The following FAR2 variants were observed in gnomAD, a reference collection of about 807,000 sequenced individuals.
The protein encoded by FAR2 is epididymis secretory protein Li 81.
A neutral mutation model predicts 56.0 loss-of-function variants in FAR2; 19 were observed. The observed-to-expected ratio is 0.34, with a 90% CI of 0.24 to 0.50. The LOEUF (loss-of-function observed/expected upper bound fraction) is 0.50. Among genes scored for constraint, FAR2 ranks in the 20% least tolerant of loss-of-function variants. FAR2 has a pLI of 0.98. For missense variants in FAR2, 508 were observed against 642.2 expected (o/e 0.79, Z 2.26); for synonymous variants, 219 against 218.8 (o/e 1.00, Z -0.01).
chr12:29,248,015 C>T (rs1948154886), intron 1 of FAR2, among the ~76,000 whole-genome samples: 2 of 152,208 alleles, frequency 1.3e-5, no homozygotes, highest in Admixed American at 6.5e-5. Flanking sequence ...TCTCTACATT[C>T]CACCTCTTCT....
chr12:29,322,191 G>A (rs764397868), intron 10 of FAR2, among the ~76,000 whole-genome samples: 3 of 152,218 alleles, frequency 2.0e-5, no homozygotes, highest in Non-Finnish European at 2.9e-5. Flanking sequence ...CACTTCAATC[G>A]TTTTGTCACT....
chr12:29,332,653 T>C lies in FAR2; in HGVS notation c.1311T>C (p.Tyr437=), dbSNP rs1949747510. The C allele has an allele frequency of 6.2e-7, 1 of 1,613,862 alleles. No homozygotes were observed. Among genetic ancestry groups the C allele is most frequent in the East Asian group, 2.2e-5 (1 of 44,872 alleles). The change falls in exon 11 of 12, where the codon TAT becomes TAC. Residue 437 remains tyrosine (Y), a synonymous_variant. Transcript: ENST00000536681. ...ACTGGTTGGAATACATTGAAAATTA[T>C]GTTTTGGGAGTTAAAAAATACTTAT... is the stretch of plus-strand genomic sequence containing the variant. ...QLNWLEYIEN[Y]VLGVKKYLLK...
At chr12:29,331,920 T>A (rs1042374893) in intron 10 of FAR2, 1 of 152,172 alleles carries the variant, frequency 6.6e-6, no homozygotes, top group African/African-American at 2.4e-5. Context: ...TCCTCAAAGA[T>A]ACCTTAAAAA....
chr12:29,227,155 C>T (rs962137247), intron 1 of FAR2, among the ~76,000 whole-genome samples: 6 of 152,262 alleles, frequency 3.9e-5, no homozygotes, highest in African/African-American at 9.6e-5. Context: ...GGGCACCTTA[C>T]GTGCCTATAA....
intron 4 of FAR2, among the ~76,000 whole-genome samples, chr12:29,300,008 T>C (rs1949136544): frequency 1.3e-5 from 2 of 152,244 alleles, no homozygotes. Flanking sequence ...GACAATGAGC[T>C]TCTCAACAGA....
chr12:29,185,309 C>G, intron 1 of FAR2, among the ~76,000 whole-genome samples: 1 of 152,160 alleles, frequency 6.6e-6, no homozygotes. Context: ...CTATCCTGTC[C>G]TCTGGATCCC....
chr12:29,327,709 A>G (rs2136824412), intron 10 of FAR2, among the ~76,000 whole-genome samples: 1 of 152,346 alleles, frequency 6.6e-6, no homozygotes, highest in South Asian at 2.1e-4. Flanking sequence ...ATATGGAGAA[A>G]GCTGAAACTG....
intron 1 of FAR2, among the ~76,000 whole-genome samples, chr12:29,159,060 T>C (rs1272025610): frequency 2.0e-5 from 3 of 152,246 alleles, no homozygotes; most frequent in Admixed American, 6.5e-5. Flanking sequence ...CAAATTTTAG[T>C]ACTCCCTACT....
chr12:29,166,434 G>T (rs758135848), intron 1 of FAR2, among the ~76,000 whole-genome samples: 1 of 152,144 alleles, frequency 6.6e-6, no homozygotes, highest in Non-Finnish European at 1.5e-5. Context: ...TGTTGATAAT[G>T]CAGATCTCTG....
chr12:29,277,653 G>A (rs1343709285), intron 2 of FAR2: 1 of 152,162 alleles, frequency 6.6e-6, no homozygotes, highest in African/African-American at 2.4e-5. Flanking sequence ...ATTATCTGCC[G>A]GAAAAGGACT....
chr12:29,209,490 G>A (rs1947517920), intron 1 of FAR2, among the ~76,000 whole-genome samples: 1 of 152,204 alleles, frequency 6.6e-6, no homozygotes, highest in African/African-American at 2.4e-5. Flanking sequence ...GGTTGGGTCA[G>A]TAGTAGGAGT....
chr12:29,185,105 C>G (rs1303745055), intron 1 of FAR2, among the ~76,000 whole-genome samples: 1 of 152,044 alleles, frequency 6.6e-6, no homozygotes, highest in Admixed American at 6.6e-5. Flanking sequence ...TAATTTATTA[C>G]CTCAGTAAGA....
intron 1 of FAR2, among the ~76,000 whole-genome samples, chr12:29,180,541 G>C (rs781604026): frequency 5.3e-5 from 8 of 152,058 alleles, no homozygotes; most frequent in Non-Finnish European, 1.0e-4. Context: ...TCTTAAACTA[G>C]TTAGAAAGAT....
intron 10 of FAR2, among the ~76,000 whole-genome samples, chr12:29,325,092 T>A (rs1319991286): frequency 1.3e-5 from 2 of 151,886 alleles, no homozygotes; most frequent in Non-Finnish European, 2.9e-5. Context: ...AAGGCAGGGG[T>A]TGCAATCCTA....
intron 1 of FAR2, among the ~76,000 whole-genome samples, chr12:29,150,724 T>A (rs1186722576): frequency 6.6e-6 from 1 of 152,230 alleles, no homozygotes; most frequent in African/African-American, 2.4e-5. Flanking sequence ...CGTGTGTCAA[T>A]ATTTCATCGG....
intron 1 of FAR2, among the ~76,000 whole-genome samples, chr12:29,205,426 C>G (rs959744050): frequency 6.6e-6 from 1 of 152,102 alleles, no homozygotes; most frequent in African/African-American, 2.4e-5. Context: ...ATCTGAAGCA[C>G]AAAATTTCCA....
chr12:29,281,416 C>T (rs1428943968), intron 2 of FAR2: 1 of 152,124 alleles, frequency 6.6e-6, no homozygotes, highest in Non-Finnish European at 1.5e-5. Context: ...ACCTTCTTTT[C>T]CATTATTATT....
At chr12:29,227,255 C>T (rs7303562) in intron 1 of FAR2, among the ~76,000 whole-genome samples, 96,948 of 152,006 alleles carry the variant, frequency 0.64, 31,068 homozygotes, top group Middle Eastern at 0.7. Flanking sequence ...GGCATTTTGA[C>T]TAGCAATTTT....
At chr12:29,280,052 G>A (rs1948762997) in intron 2 of FAR2, among the ~76,000 whole-genome samples, 1 of 151,862 alleles carries the variant, frequency 6.6e-6, no homozygotes, top group South Asian at 2.1e-4. Flanking sequence ...AGCCTCCCAA[G>A]TAGCTGGGAT....
Sources: allele counts gnomAD v4.1 joint callset (sites outside exome capture counted in the v4.1 genomes callset), GRCh38; gene constraint gnomAD v4.1.1; transcripts MANE v1.5; gene names NCBI Gene and HGNC (gene_info 2026-07-23, HGNC 2026-07-21).